The following NCOA1 variants were observed in gnomAD, a reference collection of about 807,000 sequenced individuals.
NCOA1 encodes nuclear receptor coactivator 1, also known as Hin-2 protein.
A neutral mutation model predicts 150.9 loss-of-function variants in NCOA1; 35 were observed. The observed-to-expected ratio is 0.23, with a 90% CI of 0.18 to 0.31. The LOEUF (loss-of-function observed/expected upper bound fraction) is 0.31. Among genes scored for constraint, NCOA1 ranks in the 10% least tolerant of loss-of-function variants. The probability of loss-of-function intolerance (pLI) is 1.00; values close to 1 mark genes in which losing one functional copy is unlikely to be tolerated. For missense variants in NCOA1, 1,491 were observed against 1,749.3 expected (o/e 0.85, Z 2.63); for synonymous variants, 590 against 630.0 (o/e 0.94, Z 0.95).
intron 3 of NCOA1, among the ~76,000 whole-genome samples, chr2:24,585,475 A>T (rs1334318979): frequency 6.6e-6 from 1 of 152,024 alleles, no homozygotes; most frequent in Admixed American, 6.5e-5. Context: ...ATACATCTCA[A>T]TGAATGCAGA....
chr2:24,544,260 C>G (rs1413950196), intron 1 of NCOA1, among the ~76,000 whole-genome samples: 1 of 152,072 alleles, frequency 6.6e-6, no homozygotes, highest in East Asian at 1.9e-4. Flanking sequence ...AGACACCTAA[C>G]TTGAGATCCA....
At chr2:24,494,686 T>C (rs1032739382) in intron 1 of NCOA1, among the ~76,000 whole-genome samples, 29 of 152,190 alleles carry the variant, frequency 1.9e-4, no homozygotes, top group African/African-American at 6.8e-4. Context: ...CTTGCAAATA[T>C]TGGATGCTGT....
chr2:24,753,560 G>T (rs1276551529), intron 20 of NCOA1, among the ~76,000 whole-genome samples: 1 of 152,156 alleles, frequency 6.6e-6, no homozygotes, highest in East Asian at 1.9e-4. Flanking sequence ...CCTTTTCAGT[G>T]CCAAAAGCAA....
At chr2:24,623,182 A>G (rs1426726631) in intron 3 of NCOA1, among the ~76,000 whole-genome samples, 1 of 152,228 alleles carries the variant, frequency 6.6e-6, no homozygotes, top group African/African-American at 2.4e-5. Flanking sequence ...TCCCTAGCCA[A>G]ATTCTGTAAG....
rs765479337 is a variant in NCOA1 at position 24,705,127 on chromosome 2, A to G, written c.991A>G (p.Ile331Val). The stretch of plus-strand genomic sequence containing the variant: ...TGCCTCCAGCCCCTCCTATAGATTC[A>G]TATTGAATGATGGGACAATGCTTAG... The part of the protein sequence containing the change: ...GTASSPSYRF[I>V]LNDGTMLSAH... The change falls in exon 12 of 23, where the codon ATA becomes GTA. Residue 331 changes from isoleucine to valine, a missense_variant. Physicochemically the swap from Ile to Val is conservative, Grantham distance 29. This residue lies in a region of NCOA1 where 703 missense variants were observed against 717.7 expected (regional missense o/e 0.98). Coordinates refer to ENST00000348332, the MANE Select transcript of NCOA1 (RefSeq NM_003743.5). 1.3e-5 allele frequency: 21 copies of G among 1,614,014 alleles called. No individual in the cohort carries two copies. The Admixed American group carries it at 3.5e-4, about 27-fold the overall frequency.
chr2:24,679,907 C>T (rs1224911034), intron 7 of NCOA1, among the ~76,000 whole-genome samples: 3 of 152,012 alleles, frequency 2.0e-5, no homozygotes, highest in Admixed American at 6.5e-5. Context: ...AAAATATTAG[C>T]AATATTTTAA....
intron 13 of NCOA1, 141 bp from the exon 14 acceptor site, chr2:24,710,790 A>G (rs766158554): frequency 3.7e-4 from 295 of 793,122 alleles, no homozygotes; most frequent in Non-Finnish European, 5.4e-4. Flanking sequence ...AGTAGCCCCA[A>G]TCATTCTAAT....
chr2:24,630,267 A>T (rs762181898), intron 3 of NCOA1, among the ~76,000 whole-genome samples: 1 of 152,240 alleles, frequency 6.6e-6, no homozygotes, highest in Non-Finnish European at 1.5e-5. Flanking sequence ...AATGGAGTTG[A>T]ACTCCAGAAT....
chr2:24,586,942 G>T (rs906911765), intron 3 of NCOA1, among the ~76,000 whole-genome samples: 26 of 151,996 alleles, frequency 1.7e-4, no homozygotes, highest in Non-Finnish European at 7.4e-5. Context: ...TTGCCCCAGA[G>T]AAATACATAG....
In NCOA1 at chr2:24,707,092, T is replaced by C. The variant is rs148155916; in HGVS notation, c.1622T>C (p.Leu541Ser). 9.0e-5 allele frequency: 146 copies of C among 1,614,076 alleles called. No homozygotes were observed. The highest frequency in any genetic ancestry group is 1.1e-4 in the Non-Finnish European group (135 of 1,180,032). Residue 541 changes from leucine to serine, a missense_variant, in exon 13 of 23, where the codon TTA becomes TCA. Leu to Ser is a moderately radical substitution (Grantham distance 145). This residue lies in a region of NCOA1 where 703 missense variants were observed against 717.7 expected (regional missense o/e 0.98). Coordinates refer to ENST00000348332, the MANE Select transcript of NCOA1 (RefSeq NM_003743.5). ...RSYSNIPVTS[L>S]QGMNEGPNNS... ...TATTCAAACATCCCAGTAACATCTT[T>C]ACAGGGTATGAATGAAGGACCCAAT...
intron 1 of NCOA1, among the ~76,000 whole-genome samples, chr2:24,510,805 A>G (rs530986768): frequency 1.3e-5 from 2 of 152,284 alleles, no homozygotes; most frequent in South Asian, 4.1e-4. Context: ...TGAAATATCT[A>G]GTATTTCATT....
chr2:24,759,768 A>G (rs1422535915), intron 21 of NCOA1, among the ~76,000 whole-genome samples: 1 of 152,154 alleles, frequency 6.6e-6, no homozygotes, highest in Non-Finnish European at 1.5e-5. Flanking sequence ...ATGAGGTGAT[A>G]TATGTATGTA....
At chr2:24,584,147 G>A (rs925554911) in intron 2 of NCOA1, among the ~76,000 whole-genome samples, 8 of 151,918 alleles carry the variant, frequency 5.3e-5, no homozygotes, top group Admixed American at 2.6e-4. Context: ...AAATATCACC[G>A]TACCCCATAA....
intron 17 of NCOA1, among the ~76,000 whole-genome samples, chr2:24,734,235 G>A (rs1032483914): frequency 2.7e-5 from 4 of 150,652 alleles, no homozygotes; most frequent in African/African-American, 9.7e-5. Context: ...TAGAAGATGT[G>A]GAAGTCATAA....
intron 2 of NCOA1, among the ~76,000 whole-genome samples, chr2:24,568,534 T>C (rs1025659996): frequency 2.6e-5 from 4 of 152,150 alleles, no homozygotes; most frequent in African/African-American, 4.8e-5. Context: ...TTAGAGGTGA[T>C]GAAGAATGAA....
At chr2:24,713,759 A>G (rs1041597170) in intron 14 of NCOA1, among the ~76,000 whole-genome samples, 2 of 152,202 alleles carry the variant, frequency 1.3e-5, no homozygotes, top group Admixed American at 1.3e-4. Context: ...TACCAAACCA[A>G]GTACAGGTAG....
chr2:24,636,784 CTT>C (rs1669955514), intron 3 of NCOA1, among the ~76,000 whole-genome samples: 1 of 151,970 alleles, frequency 6.6e-6, no homozygotes, highest in African/African-American at 2.4e-5. Context: ...GATGGAATAA[CTT>C]TTAATTTTTA....
intron 3 of NCOA1, among the ~76,000 whole-genome samples, chr2:24,640,819 A>T (rs1670179335): frequency 6.6e-6 from 1 of 151,934 alleles, no homozygotes; most frequent in African/African-American, 2.4e-5. Flanking sequence ...TTAAACTTTC[A>T]GTCTATTTGT....
chr2:24,695,462 C>T (rs1672855559), intron 10 of NCOA1, among the ~76,000 whole-genome samples: 1 of 152,152 alleles, frequency 6.6e-6, no homozygotes, highest in South Asian at 2.1e-4. Flanking sequence ...ATTAAAAGGG[C>T]ATCACTATAC....
Sources: allele counts gnomAD v4.1 joint callset (sites outside exome capture counted in the v4.1 genomes callset), GRCh38; gene constraint gnomAD v4.1.1; regional missense constraint gnomAD v4.1.1; transcripts MANE v1.5; gene names NCBI Gene and HGNC (gene_info 2026-07-23, HGNC 2026-07-21).